The following C1orf198 variants were observed in gnomAD, a reference collection of about 807,000 sequenced individuals.
C1orf198 encodes the protein uncharacterized protein C1orf198.
C1orf198 carries 17 observed loss-of-function variants against 31.4 expected under a neutral mutation model. The ratio of observed to expected loss-of-function variants is 0.54; its 90% CI spans 0.37 to 0.81. The LOEUF is 0.81. Ranked by LOEUF, C1orf198 falls within the 40% of genes least tolerant of loss-of-function variation. The pLI is 0.00. For synonymous variants in C1orf198, 175 were observed against 193.8 expected, an observed-to-expected ratio of 0.90 and a Z score of 0.81; for missense variants, 401 against 450.3, an observed-to-expected ratio of 0.89 and a Z score of 0.99.
chr1:230,858,102 T>A (rs943263506), intron 1 of C1orf198, among the ~76,000 whole-genome samples: 1 of 152,220 alleles, frequency 6.6e-6, no homozygotes, highest in Non-Finnish European at 1.5e-5. Context: ...TGGAAATGGA[T>A]GCCTGGAGGA....
chr1:230,852,983 CG>C (rs1669784342), intron 2 of C1orf198, among the ~76,000 whole-genome samples: 1 of 152,194 alleles, frequency 6.6e-6, no homozygotes, highest in African/African-American at 2.4e-5. Flanking sequence ...TTCCCGCACA[CG>C]GATCTCTCCA....
At chr1:230,852,686 G>C (rs765713713) in intron 2 of C1orf198, among the ~76,000 whole-genome samples, 3 of 152,138 alleles carry the variant, frequency 2.0e-5, no homozygotes, top group Non-Finnish European at 2.9e-5. Flanking sequence ...ATTTTATGTT[G>C]TGTGTATTTT....
chr1:230,848,654 T>C (rs1669653834), intron 2 of C1orf198, among the ~76,000 whole-genome samples: 1 of 152,190 alleles, frequency 6.6e-6, no homozygotes, highest in African/African-American at 2.4e-5. Flanking sequence ...ACATGTACCC[T>C]ATCAATATTT....
In C1orf198 at chr1:230,839,412, G is replaced by A. The variant is rs529226553; in HGVS notation, c.*440C>T. 5.6e-6 allele frequency: 1 copy of A among 179,688 alleles called. No homozygotes were observed. Among genetic ancestry groups the A allele is most frequent in the African/African-American group, 2.4e-5 (1 of 41,698 alleles). The allele number at this position is 179,688 out of a possible 1,614,324, so 11.1% of individuals were successfully genotyped here. A position where few individuals can be genotyped will look rare whatever the true frequency, so the allele number is the denominator to read the frequency against. On this transcript the variant is annotated 3_prime_UTR_variant, in exon 4 of 4. Coordinates refer to ENST00000366663, the MANE Select transcript of C1orf198 (RefSeq NM_032800.3). ...TCACAGCCAGCATGCTGATGTCATGGCTGATAACATCACCCTCAATCACCC... is the reference window on the plus strand; with the variant it reads ...TCACAGCCAGCATGCTGATGTCATGACTGATAACATCACCCTCAATCACCC...
At chr1:230,841,781 T>C (rs965086111) in intron 3 of C1orf198, among the ~76,000 whole-genome samples, 10 of 152,226 alleles carry the variant, frequency 6.6e-5, no homozygotes, top group African/African-American at 2.4e-4. Flanking sequence ...CATCTGGGTA[T>C]GCACCCAGGA....
At chr1:230,855,066 C>A (rs892916041) in intron 2 of C1orf198, among the ~76,000 whole-genome samples, 1 of 152,116 alleles carries the variant, frequency 6.6e-6, no homozygotes, top group African/African-American at 2.4e-5. Flanking sequence ...GTCTTTTAGT[C>A]ATTTTGCTTA....
chr1:230,854,169 T>C (rs1345937371), intron 2 of C1orf198, among the ~76,000 whole-genome samples: 1 of 152,200 alleles, frequency 6.6e-6, no homozygotes, highest in Admixed American at 6.5e-5. Context: ...CTATGATATC[T>C]TCAAATATAG....
intron 1 of C1orf198, among the ~76,000 whole-genome samples, chr1:230,856,504 C>T (rs1669879645): frequency 6.6e-6 from 1 of 152,166 alleles, no homozygotes; most frequent in Admixed American, 6.5e-5. Flanking sequence ...GCAGTTATTC[C>T]TGTGCTAGCA....
Position 230,855,698 on chromosome 1 carries a change from C to T in C1orf198, c.354G>A (p.Glu118=), listed in dbSNP as rs767913510. The change falls in exon 2 of 4, where the codon GAG becomes GAA. Residue 118 remains glutamate, a synonymous_variant. Coordinates refer to ENST00000366663, the MANE Select transcript of C1orf198 (RefSeq NM_032800.3). The stretch of plus-strand genomic sequence containing the variant: ...TTTCCCAGGAGAAAGGGGCAGAGTG[C>T]TCATCTTGCCAAGTTAGATCCTGAA... ...FGDEDLTWQD[E]HSAPFSWETK... 3 of 1,613,222 alleles carry T rather than the reference C, an allele frequency of 1.9e-6. No individual in the cohort carries two copies. Among genetic ancestry groups the T allele is most frequent in the Non-Finnish European group, 2.5e-6 (3 of 1,179,566 alleles).
intron 1 of C1orf198, among the ~76,000 whole-genome samples, chr1:230,862,630 TG>T (rs1425898488): frequency 2.6e-5 from 4 of 152,216 alleles, no homozygotes; most frequent in African/African-American, 9.7e-5. Flanking sequence ...GCATACTGTA[TG>T]AATCCAACCA....
In C1orf198 at chr1:230,857,196, G is replaced by T. The variant is rs563747275; in HGVS notation, c.334-1478C>A. Among the ~76,000 whole-genome samples the T allele has an allele frequency of 6.6e-6, 1 of 152,108 alleles. No homozygotes were observed. The highest frequency in any genetic ancestry group is 2.4e-5 in the African/African-American group (1 of 41,412). On this transcript the variant is annotated intron_variant, in intron 1 of 3. Coordinates refer to ENST00000366663, the MANE Select transcript of C1orf198 (RefSeq NM_032800.3). This position sits in a 1 kb window ranked among gnomAD's most constrained non-coding sequence, Gnocchi z 4.2. ...AGCTGAAGGCCTATTCCCAAGAAGCGGGGACAGGGAAGGAAGTGTGTGATG... is the reference window on the plus strand; with the variant it reads ...AGCTGAAGGCCTATTCCCAAGAAGCTGGGACAGGGAAGGAAGTGTGTGATG...
chr1:230,860,377 G>A (rs1388552592), intron 1 of C1orf198, among the ~76,000 whole-genome samples: 1 of 152,144 alleles, frequency 6.6e-6, no homozygotes, highest in East Asian at 1.9e-4. Context: ...CGAAAGAACT[G>A]GAAGCAGGGG....
chr1:230,847,316 A>G (rs971710000), intron 2 of C1orf198, among the ~76,000 whole-genome samples: 2 of 152,102 alleles, frequency 1.3e-5, no homozygotes, highest in Non-Finnish European at 2.9e-5. Context: ...CAGCCATCAA[A>G]GCATTGGTTC....
At position 230,859,387 on chromosome 1, in the gene C1orf198, C is replaced by A. The variant is rs1374651860; in HGVS notation, c.334-3669G>T. 3.9e-5 allele frequency among the ~76,000 whole-genome samples: 6 copies of A among 152,158 alleles called. No individual in the cohort carries two copies. In the East Asian group the frequency reaches 1.2e-3, roughly 29 times the overall value. On this transcript the variant is annotated intron_variant, in intron 1 of 3. Coordinates refer to ENST00000366663, the MANE Select transcript of C1orf198 (RefSeq NM_032800.3). ...CTCTCTGGCGCCTAGGATCTGAAAT[C>A]ATCTAAGTGTCAAAACACATCTGTT...
At chr1:230,853,822 C>T (rs1005217567) in intron 2 of C1orf198, among the ~76,000 whole-genome samples, 1 of 152,200 alleles carries the variant, frequency 6.6e-6, no homozygotes, top group African/African-American at 2.4e-5. Context: ...ACCAGATATG[C>T]TGGCATCTGT....
chr1:230,839,891 G>T lies in C1orf198; in HGVS notation c.945C>A (p.Val315=). The change falls in exon 4 of 4, where the codon GTC becomes GTA. Residue 315 remains valine (V), a synonymous_variant. Transcript: ENST00000366663. ...GAAAATCAAATCCCGTCTTCAAGAC[G>T]ACATTACTTGAGCTGACCTGTAGAA... ...PKFAQVSSSN[V]VLKTGFDFLD... 6.2e-7 allele frequency: 1 copy of T among 1,610,374 alleles called. No individual in the cohort carries two copies. Among genetic ancestry groups the T allele is most frequent in the South Asian group, 1.1e-5 (1 of 89,760 alleles).
intron 1 of C1orf198, among the ~76,000 whole-genome samples, chr1:230,864,336 T>C (rs1409252636): frequency 6.6e-6 from 1 of 152,198 alleles, no homozygotes; most frequent in Non-Finnish European, 1.5e-5. Flanking sequence ...CTCAGCAGTT[T>C]GCTAAACATA....
At chr1:230,846,745 G>A (rs1250269012) in intron 2 of C1orf198, among the ~76,000 whole-genome samples, 1 of 152,182 alleles carries the variant, frequency 6.6e-6, no homozygotes, top group East Asian at 1.9e-4. Flanking sequence ...GGCAGATCAC[G>A]AGGTCAGAAG....
At chr1:230,862,994 TAAGTCTATTCA>T (rs2102992293) in intron 1 of C1orf198, among the ~76,000 whole-genome samples, 1 of 152,336 alleles carries the variant, frequency 6.6e-6, no homozygotes, top group East Asian at 1.9e-4. Flanking sequence ...TCTAAAAAAT[TAAGTCTATTCA>T]AAAAGAGGAG....
Sources: allele counts gnomAD v4.1 joint callset (sites outside exome capture counted in the v4.1 genomes callset), GRCh38; gene constraint gnomAD v4.1.1; non-coding constraint Gnocchi (gnomAD v3.1); transcripts MANE v1.5; gene names NCBI Gene and HGNC (gene_info 2026-07-23, HGNC 2026-07-21).